The following CDC42BPB variants were observed in gnomAD, a reference collection of about 807,000 sequenced individuals.
CDC42BPB encodes serine/threonine-protein kinase MRCK beta.
In CDC42BPB, 37 loss-of-function variants were observed where a neutral mutation model predicts 214.9. That is an observed-to-expected ratio of 0.17 (90% confidence interval 0.13 to 0.23). The LOEUF is 0.23. Ranked by LOEUF, CDC42BPB falls within the 10% of genes least tolerant of loss-of-function variation. CDC42BPB has a pLI of 1.00. For missense variants in CDC42BPB, 1,694 were observed against 2,227.0 expected, an observed-to-expected ratio of 0.76 and a Z score of 4.82; for synonymous variants, 931 against 884.0, an observed-to-expected ratio of 1.05 and a Z score of -0.94.
chr14:102,953,887 C>A (rs1892599763), intron 23 of CDC42BPB, among the ~76,000 whole-genome samples: 1 of 152,100 alleles, frequency 6.6e-6, no homozygotes, highest in Admixed American at 6.6e-5. Context: ...AAGTAAGCTG[C>A]CTACCTGTGG....
chr14:102,952,984 C>T (rs928039827), intron 23 of CDC42BPB, among the ~76,000 whole-genome samples: 1 of 152,228 alleles, frequency 6.6e-6, no homozygotes, highest in Non-Finnish European at 1.5e-5. Flanking sequence ...TTGGGCTGCA[C>T]ACAGGCCTTG....
In CDC42BPB at chr14:102,943,824, C is replaced by A; in HGVS notation, c.4408+67G>T. ...ACTGGAAGACAAACCAAAGCAAAAT[C>A]GAACACATGCTGACTGTCGGTGGGA... On this transcript the variant is annotated intron_variant, in intron 30 of 36. Transcript: ENST00000361246. The surrounding 1 kb of genome is among the most constrained non-coding windows in gnomAD (Gnocchi z 4.6). 1 of 1,447,878 alleles carries A rather than the reference C, an allele frequency of 6.9e-7. No individual in the cohort carries two copies. Among genetic ancestry groups the A allele is most frequent in the South Asian group, 1.3e-5 (1 of 77,242 alleles). The allele number at this position is 1,447,878 out of a possible 1,614,324, so 89.7% of individuals were successfully genotyped here.
chr14:102,955,145 A>G (rs1193273385), intron 21 of CDC42BPB, among the ~76,000 whole-genome samples: 1 of 152,236 alleles, frequency 6.6e-6, no homozygotes, highest in Non-Finnish European at 1.5e-5. Flanking sequence ...TAGCCAGGCC[A>G]GGCACGGTGG....
At chr14:102,945,069 A>G (rs1892093371) in intron 29 of CDC42BPB, 4 of 342,556 alleles carry the variant, frequency 1.2e-5, no homozygotes, top group Admixed American at 3.9e-5. Flanking sequence ...ATCTCCCCAC[A>G]GAGCTGCCAG....
chr14:102,939,000 A>G (rs932533106), intron 34 of CDC42BPB, among the ~76,000 whole-genome samples: 14 of 144,898 alleles, frequency 9.7e-5, no homozygotes, highest in African/African-American at 3.6e-4. Flanking sequence ...GCAGTGGTGC[A>G]ATCTCGGCTC....
At position 103,028,123 on chromosome 14, in the gene CDC42BPB, CCTT is replaced by C. The variant is rs1435804950; in HGVS notation, c.176-15938_176-15936del. ...CCAGCCTGGGTGACAGAGCAAGACT[CCTT>C]CTCAAAAATAAGTAAATAAAACAAT... On this transcript the variant is annotated intron_variant, in intron 1 of 36. Transcript: ENST00000361246. Among the ~76,000 whole-genome samples, 4 of 152,248 alleles carry C rather than the reference CCTT, an allele frequency of 2.6e-5. No individual in the cohort carries two copies. In the South Asian group the frequency reaches 6.2e-4, roughly 24 times the overall value.
At chr14:102,997,250 T>C (rs1043197290) in intron 5 of CDC42BPB, among the ~76,000 whole-genome samples, 32 of 152,106 alleles carry the variant, frequency 2.1e-4, no homozygotes, top group African/African-American at 4.6e-4. Context: ...CACAGACACA[T>C]GTGATGCCTG....
At chr14:102,959,884 G>A in intron 20 of CDC42BPB, 174 bp from the exon 21 acceptor site, 17 of 944,600 alleles carry the variant, frequency 1.8e-5, no homozygotes, top group Non-Finnish European at 2.1e-5. Context: ...TCCCCAGAGA[G>A]TAACAAGAAT....
intron 24 of CDC42BPB, among the ~76,000 whole-genome samples, chr14:102,950,931 A>C (rs1386496743): frequency 1.3e-5 from 2 of 152,152 alleles, no homozygotes; most frequent in African/African-American, 4.8e-5. Flanking sequence ...ACACTATTGC[A>C]CTCCAGCCTG....
At chr14:103,015,842 G>A (rs1182440977) in intron 1 of CDC42BPB, among the ~76,000 whole-genome samples, 6 of 151,908 alleles carry the variant, frequency 3.9e-5, no homozygotes, top group African/African-American at 9.7e-5. Flanking sequence ...CCGAGTAGCC[G>A]GGATTACAGG....
intron 1 of CDC42BPB, among the ~76,000 whole-genome samples, chr14:103,030,203 C>T (rs568603488): frequency 3.0e-4 from 46 of 152,370 alleles, no homozygotes; most frequent in Non-Finnish European, 5.0e-4. Flanking sequence ...CTCCATGGGG[C>T]GTGCCCAGCA....
rs745786434 is a variant in CDC42BPB, at chr14:102,968,375, G to C, written c.2241-17C>G. ...TCGTTATGCCTGCCAAGGTGAGCGAGAAACAGTTTTAAAAGCTCGTAACTT... is the reference window on the plus strand; with the variant it reads ...TCGTTATGCCTGCCAAGGTGAGCGACAAACAGTTTTAAAAGCTCGTAACTT... On this transcript the variant is annotated splice_polypyrimidine_tract_variant and intron_variant, in intron 15 of 36. Coordinates refer to ENST00000361246, the MANE Select transcript of CDC42BPB (RefSeq NM_006035.4). 1.2e-6 allele frequency: 2 copies of C among 1,613,484 alleles called. No individual in the cohort carries two copies. The highest frequency in any genetic ancestry group is 4.5e-5 in the East Asian group (2 of 44,890).
At chr14:102,950,147 G>A (rs1164131929) in intron 25 of CDC42BPB, 1 of 963,824 alleles carries the variant, frequency 1.0e-6, no homozygotes, top group Non-Finnish European at 1.2e-6. Context: ...GGGTGCTGTG[G>A]TACACGCAGC....
At chr14:102,953,100 C>T (rs1892561827) in intron 23 of CDC42BPB, among the ~76,000 whole-genome samples, 1 of 152,240 alleles carries the variant, frequency 6.6e-6, no homozygotes, top group South Asian at 2.1e-4. Context: ...ACATTGTGAA[C>T]CCAGCGGCAA....
At chr14:103,002,618 G>A (rs1334344822) in intron 4 of CDC42BPB, among the ~76,000 whole-genome samples, 1 of 152,100 alleles carries the variant, frequency 6.6e-6, no homozygotes, top group African/African-American at 2.4e-5. Context: ...GAAGCGGGGG[G>A]GTTTATGTGG....
intron 2 of CDC42BPB, among the ~76,000 whole-genome samples, chr14:103,011,574 ATCTC>A (rs1886162026): frequency 6.6e-6 from 1 of 151,916 alleles, no homozygotes; most frequent in Non-Finnish European, 1.5e-5. Flanking sequence ...GCAAAACCTC[ATCTC>A]TACAAAAAAT....
chr14:102,986,384 T>A, intron 6 of CDC42BPB, 103 bp downstream of exon 6: 1 of 703,290 alleles, frequency 1.4e-6, no homozygotes, highest in Non-Finnish European at 2.4e-6. Flanking sequence ...ATTTTCTGAA[T>A]TAATATACTT....
Position 103,004,381 on chromosome 14 carries a change from C to G in CDC42BPB, c.352-358G>C. The G allele has an allele frequency of 4.7e-6, 1 of 211,062 alleles. No homozygotes were observed. Among genetic ancestry groups the G allele is most frequent in the Non-Finnish European group, 9.4e-6 (1 of 106,298 alleles). 13.1% of individuals were successfully genotyped at this position (211,062 alleles called of 1,614,324 possible). On this transcript the variant is annotated intron_variant, in intron 3 of 36. Coordinates refer to ENST00000361246, the MANE Select transcript of CDC42BPB (RefSeq NM_006035.4). The surrounding 1 kb of genome is among the most constrained non-coding windows in gnomAD (Gnocchi z 5.3). ...TACCAGATCAACCTCTGCCAAGTAT[C>G]GATGGCATGGGCAGCCCCACGTGTC...
chr14:102,960,204 C>CA lies in CDC42BPB; in HGVS notation c.2822-495dup, dbSNP rs556364706. On this transcript the variant is annotated intron_variant, in intron 20 of 36. Transcript: ENST00000361246. The stretch of plus-strand genomic sequence containing the variant: ...TGGGCGACAGAGCAAGACTCTATCT[C>CA]AAAAAAAAACAAAAACAAAAAACAA... Among the ~76,000 whole-genome samples, 221 of 149,344 alleles carry CA rather than the reference C, an allele frequency of 1.5e-3. 1 individual carries two copies. The highest frequency in any genetic ancestry group is 8.8e-3 in the East Asian group (45 of 5,094).
Sources: allele counts gnomAD v4.1 joint callset (sites outside exome capture counted in the v4.1 genomes callset), GRCh38; gene constraint gnomAD v4.1.1; non-coding constraint Gnocchi (gnomAD v3.1); transcripts MANE v1.5; gene names NCBI Gene and HGNC (gene_info 2026-07-23, HGNC 2026-07-21).